NEBL: variants seen among roughly 807,000 people sequenced by gnomAD.
NEBL encodes LIM and SH3 protein 2.
NEBL carries 122 observed loss-of-function variants against 140.2 expected under a neutral mutation model. The observed-to-expected ratio is 0.87, with a 90% confidence interval of 0.75 to 1.01. The LOEUF is 1.01. Ranked by LOEUF, NEBL falls within the 50% of genes least tolerant of loss-of-function variation. NEBL has a pLI of 0.00. For missense variants in NEBL, 1,365 were observed against 1,231.3 expected (o/e 1.11, Z -1.62); for synonymous variants, 436 against 398.9 (o/e 1.09, Z -1.11).
At chr10:21,004,085 G>A (rs1043423516) in intron 3 of NEBL, among the ~76,000 whole-genome samples, 2 of 152,250 alleles carry the variant, frequency 1.3e-5, no homozygotes, top group South Asian at 2.1e-4. Context: ...ACATAAGTAC[G>A]TGTATATTAA....
chr10:21,100,986 T>C (rs1439080256), intron 2 of NEBL, among the ~76,000 whole-genome samples: 1 of 152,186 alleles, frequency 6.6e-6, no homozygotes, highest in African/African-American at 2.4e-5. Flanking sequence ...CACGGGAACA[T>C]TTTGTGGCTT....
chr10:21,277,809 ATT>A (rs1226650379), intron 1 of NEBL, among the ~76,000 whole-genome samples: 1 of 150,104 alleles, frequency 6.7e-6, no homozygotes, highest in South Asian at 2.2e-4. Flanking sequence ...TATGAAAGTC[ATT>A]TTTTTCTTTC....
intron 4 of NEBL, among the ~76,000 whole-genome samples, chr10:20,952,143 A>G (rs528301650): frequency 6.6e-6 from 1 of 152,372 alleles, no homozygotes; most frequent in South Asian, 2.1e-4. Flanking sequence ...TAAAGGTTCA[A>G]TTAAGAACCG....
In NEBL at chr10:21,111,530, C is replaced by T. The variant is rs966141592; in HGVS notation, c.164+60853G>A. ...TAATAAATGCTGCTGGGAAAACTGG[C>T]TAGCCACGTGTAGAAAGCTGAAACT... On this transcript the variant is annotated intron_variant, in intron 2 of 6. Transcript: ENST00000417816. Among the ~76,000 whole-genome samples, 7 of 151,726 alleles carry T rather than the reference C, an allele frequency of 4.6e-5. No homozygotes were observed. In the South Asian group the frequency reaches 1.5e-3, roughly 32 times the overall value.
At chr10:21,002,696 C>T (rs951470575) in intron 3 of NEBL, among the ~76,000 whole-genome samples, 8 of 151,964 alleles carry the variant, frequency 5.3e-5, no homozygotes, top group Non-Finnish European at 8.8e-5. Context: ...CGAAAGAGAG[C>T]GAGCGAAGGG....
At chr10:21,053,295 G>C (rs1236360074) in intron 2 of NEBL, among the ~76,000 whole-genome samples, 1 of 152,178 alleles carries the variant, frequency 6.6e-6, no homozygotes, top group Non-Finnish European at 1.5e-5. Flanking sequence ...ATTAAGTGAT[G>C]TTAAGCAGAC....
intron 3 of NEBL, among the ~76,000 whole-genome samples, chr10:21,215,230 G>T (rs987544360): frequency 6.6e-6 from 1 of 152,166 alleles, no homozygotes; most frequent in Admixed American, 6.5e-5. Context: ...GATTTCTTGA[G>T]GCCAGGAGTT....
At chr10:21,069,690 C>T (rs1010147416) in intron 2 of NEBL, among the ~76,000 whole-genome samples, 48 of 152,184 alleles carry the variant, frequency 3.2e-4, no homozygotes, top group Admixed American at 1.3e-4. Context: ...CATTTTCATA[C>T]AACCTGGTAT....
intron 2 of NEBL, among the ~76,000 whole-genome samples, chr10:21,090,139 G>A (rs1481953882): frequency 6.6e-6 from 1 of 152,144 alleles, no homozygotes; most frequent in African/African-American, 2.4e-5. Flanking sequence ...AGTCCTGTCC[G>A]GTTAGGCCAA....
intron 19 of NEBL, among the ~76,000 whole-genome samples, chr10:20,820,308 T>G (rs2765845): frequency 0.98 from 149,946 of 152,268 alleles, 73,937 homozygotes; most frequent in Middle Eastern, 1. Context: ...TTTGTGGTCA[T>G]CTTTCCCAAC....
chr10:21,183,000 A>G (rs1374604980), intron 3 of NEBL, among the ~76,000 whole-genome samples: 1 of 152,120 alleles, frequency 6.6e-6, no homozygotes, highest in Non-Finnish European at 1.5e-5. Flanking sequence ...ATATTCATTC[A>G]CCCTAAGACA....
At position 21,173,552 on chromosome 10, in the gene NEBL, C is replaced by T. The variant is rs1055558313; in HGVS notation, c.69+213G>A. 2.0e-5 allele frequency among the ~76,000 whole-genome samples: 3 copies of T among 152,210 alleles called. No individual in the cohort carries two copies. The highest frequency in any genetic ancestry group is 4.4e-5 in the Non-Finnish European group (3 of 68,022). ...GATGTCGCACCGCCCCGCACCGCGA[C>T]AAAAGCCCTTCCCGGTTCCAACATC... is the stretch of plus-strand genomic sequence containing the variant. On this transcript the variant is annotated intron_variant, in intron 1 of 6. Transcript: ENST00000417816. This position sits in a 1 kb window ranked among gnomAD's most constrained non-coding sequence, Gnocchi z 5.7.
intron 14 of NEBL, among the ~76,000 whole-genome samples, chr10:20,832,950 A>T (rs988008615): frequency 6.6e-6 from 1 of 152,248 alleles, no homozygotes; most frequent in Non-Finnish European, 1.5e-5. Context: ...AGCCTGTTCA[A>T]AGCCCCAAAA....
intron 2 of NEBL, chr10:21,126,241 C>G: frequency 1.0e-6 from 1 of 982,318 alleles, no homozygotes; most frequent in South Asian, 1.6e-5. Context: ...CAGAACCAAT[C>G]CATCTTCAAA....
intron 1 of NEBL, among the ~76,000 whole-genome samples, chr10:21,282,286 G>A (rs1564555420): frequency 6.6e-6 from 1 of 152,114 alleles, no homozygotes; most frequent in Non-Finnish European, 1.5e-5. Flanking sequence ...CCAGGCCTTG[G>A]GGAATTCCTT....
intron 4 of NEBL, among the ~76,000 whole-genome samples, chr10:20,884,721 A>G (rs1306319953): frequency 6.6e-6 from 1 of 152,258 alleles, no homozygotes; most frequent in East Asian, 1.9e-4. Context: ...ACCACCGTGG[A>G]TGAAACATAG....
chr10:20,829,454 G>T (rs1840196592), intron 16 of NEBL, among the ~76,000 whole-genome samples: 1 of 131,882 alleles, frequency 7.6e-6, no homozygotes, highest in Non-Finnish European at 1.6e-5. Flanking sequence ...GGGGAGGGGG[G>T]AGGGATAGCA....
chr10:20,980,871 C>G (rs557869027), intron 3 of NEBL, among the ~76,000 whole-genome samples: 1 of 152,196 alleles, frequency 6.6e-6, no homozygotes, highest in African/African-American at 2.4e-5. Flanking sequence ...TTCTAACAGG[C>G]AAGAATTTAA....
At position 20,785,715 on chromosome 10, in the gene NEBL, T is replaced by C. The variant is rs1286598659; in HGVS notation, c.*32A>G. Reference sequence around the variant, plus strand: ...TAAAAAGATTAGGTTTGGGATACATTAGAATAAAGCTCAAAGGGCAGGGAG... The same window carrying C: ...TAAAAAGATTAGGTTTGGGATACATCAGAATAAAGCTCAAAGGGCAGGGAG... On this transcript the variant is annotated 3_prime_UTR_variant, in exon 28 of 28. Transcript: ENST00000377122. 1.2e-6 allele frequency: 2 copies of C among 1,606,958 alleles called. No homozygotes were observed. The highest frequency in any genetic ancestry group is 2.2e-5 in the East Asian group (1 of 44,580).
Sources: gnomAD v4.1 joint callset for allele counts (sites outside exome capture counted in the v4.1 genomes callset) on GRCh38, gnomAD v4.1.1 for gene constraint, Gnocchi (gnomAD v3.1) non-coding constraint, MANE v1.5 for transcripts, NCBI Gene and HGNC (gene_info 2026-07-23, HGNC 2026-07-21) for gene names.